The following VPS13A variants were observed in gnomAD, a reference collection of about 807,000 sequenced individuals.
VPS13A encodes the protein vacuolar protein sorting 13 homolog A, also known as intermembrane lipid transfer protein VPS13A.
In VPS13A, 264 loss-of-function variants were observed where a neutral mutation model predicts 390.9. The observed-to-expected ratio is 0.68, with a 90% CI of 0.61 to 0.75. VPS13A has a LOEUF of 0.75. VPS13A is among the 30% of genes least tolerant of loss of function. VPS13A has a pLI of 0.00. For missense variants in VPS13A, 3,409 were observed against 3,733.9 expected, an observed-to-expected ratio of 0.91 and a Z score of 2.27; for synonymous variants, 1,231 against 1,227.1, an observed-to-expected ratio of 1.00 and a Z score of -0.07.
intron 67 of VPS13A, among the ~76,000 whole-genome samples, chr9:77,371,853 C>T (rs1366191963): frequency 7.6e-6 from 1 of 131,536 alleles, no homozygotes. Context: ...TTCCTGTGTC[C>T]ATGTGATCTC....
rs76315371 is a variant in VPS13A, at chr9:77,303,255, T to G, written c.3960+193T>G. The stretch of plus-strand genomic sequence containing the variant: ...TTCTTTTAACAAATATTACTGGAGA[T>G]AAAGTGGCAAGGAAGCAATGACATT... On this transcript the variant is annotated intron_variant, in intron 34 of 71. Transcript: ENST00000360280. Among the ~76,000 whole-genome samples the G allele has an allele frequency of 4.5e-3, 684 of 152,264 alleles. 7 individuals carry two copies. Among genetic ancestry groups the G allele is most frequent in the African/African-American group, 0.016 (649 of 41,538 alleles).
intron 67 of VPS13A, among the ~76,000 whole-genome samples, chr9:77,371,375 C>A (rs1437321383): frequency 6.6e-6 from 1 of 152,074 alleles, no homozygotes; most frequent in African/African-American, 2.4e-5. Flanking sequence ...TGGCTAGGGC[C>A]TTTTTGCGGT....
At chr9:77,322,339 A>G (rs2131452572) in intron 44 of VPS13A, among the ~76,000 whole-genome samples, 1 of 152,028 alleles carries the variant, frequency 6.6e-6, no homozygotes, top group South Asian at 2.1e-4. Flanking sequence ...GAAGTTAAAT[A>G]GTCCCAGAGC....
intron 33 of VPS13A, among the ~76,000 whole-genome samples, chr9:77,301,127 T>C (rs1291888186): frequency 6.6e-6 from 1 of 152,170 alleles, no homozygotes; most frequent in Non-Finnish European, 1.5e-5. Flanking sequence ...TCTTTTGACA[T>C]AACAGTTTTC....
intron 52 of VPS13A, among the ~76,000 whole-genome samples, chr9:77,349,845 T>C (rs1164877863): frequency 6.6e-6 from 1 of 152,144 alleles, no homozygotes; most frequent in Non-Finnish European, 1.5e-5. Context: ...GGTTTCACCA[T>C]GTTGGCCAGG....
Position 77,368,037 on chromosome 9 carries a change from T to C in VPS13A, c.8472-18T>C, listed in dbSNP as rs144309670. 5.4e-4 allele frequency: 863 copies of C among 1,602,738 alleles called. 5 individuals are homozygous for C. In the African/African-American group the frequency reaches 0.01, roughly 19 times the overall value. ...TTCATACACATGTACAGACAATATA[T>C]TTTTACGCTTTTTTCAGGCTTGCAT... On this transcript the variant is annotated intron_variant, in intron 61 of 71. Coordinates refer to ENST00000360280, the MANE Select transcript of VPS13A (RefSeq NM_033305.3).
At chr9:77,251,554 A>G (rs1051330601) in intron 21 of VPS13A, among the ~76,000 whole-genome samples, 2 of 152,104 alleles carry the variant, frequency 1.3e-5, no homozygotes, top group Admixed American at 6.6e-5. Flanking sequence ...TTTGGTGTTT[A>G]TATTGGAGGT....
intron 46 of VPS13A, among the ~76,000 whole-genome samples, chr9:77,336,350 A>G (rs1467209778): frequency 6.6e-6 from 1 of 152,174 alleles, no homozygotes; most frequent in Admixed American, 6.5e-5. Flanking sequence ...CCTAAAGTAT[A>G]ATTAAAACAA....
intron 23 of VPS13A, among the ~76,000 whole-genome samples, chr9:77,269,894 TTGAC>T (rs1373396773): frequency 2.0e-5 from 3 of 152,180 alleles, no homozygotes; most frequent in African/African-American, 7.2e-5. Flanking sequence ...CTAATCCAGT[TTGAC>T]TGGTGTCTTT....
chr9:77,324,214 A>G (rs1164956407), intron 45 of VPS13A, among the ~76,000 whole-genome samples: 1 of 152,116 alleles, frequency 6.6e-6, no homozygotes, highest in Non-Finnish European at 1.5e-5. Context: ...TTAGATAGTT[A>G]TGATAGCTGC....
Position 77,407,607 on chromosome 9 carries a change from G to A in VPS13A, c.9474G>A (p.Arg3158=), listed in dbSNP as rs759448061. 3.7e-6 allele frequency: 6 copies of A among 1,607,056 alleles called. No homozygotes were observed. Among genetic ancestry groups the A allele is most frequent in the Admixed American group, 1.7e-5 (1 of 59,948 alleles). Residue 3158 remains arginine (R), a splice_region_variant and synonymous_variant, in exon 71 of 72, where the codon AGG becomes AGA. Transcript: ENST00000360280. ...ACTTCAAGACCCCAGAGGATGCCAG[G>A]GTAAATATAATAAATCTTTTATTTA... The part of the protein sequence containing the change: ...IINFKTPEDA[R]WILTKLQEAR...
Position 77,212,950 on chromosome 9 carries a change from TG to T in VPS13A, c.556-18del, listed in dbSNP as rs1357647518. On this transcript the variant is annotated intron_variant, in intron 7 of 71. Coordinates refer to ENST00000360280, the MANE Select transcript of VPS13A (RefSeq NM_033305.3). ...AATGGAATGACCTTTTTACTGCCAT[TG>T]TTTTTTTTCCTTTTCAGACAACTGA... 6.2e-6 allele frequency: 10 copies of T among 1,613,580 alleles called. No homozygotes were observed. Among genetic ancestry groups the T allele is most frequent in the Non-Finnish European group, 8.5e-6 (10 of 1,179,644 alleles).
rs186441538 is a variant in VPS13A at position 77,413,438 on chromosome 9, A to G, written c.9475-2518A>G. Among the ~76,000 whole-genome samples the G allele has an allele frequency of 3.5e-3, 540 of 152,300 alleles. 3 individuals are homozygous for G. The highest frequency in any genetic ancestry group is 0.012 in the African/African-American group (515 of 41,562). Reference sequence around the variant, plus strand: ...ACAGAGCCCTCAGAAATAACGCCGCATATCTACGACCATCTGATCTTTGAC... The same window carrying G: ...ACAGAGCCCTCAGAAATAACGCCGCGTATCTACGACCATCTGATCTTTGAC... On this transcript the variant is annotated intron_variant, in intron 71 of 71. Coordinates refer to ENST00000360280, the MANE Select transcript of VPS13A (RefSeq NM_033305.3).
intron 67 of VPS13A, among the ~76,000 whole-genome samples, chr9:77,377,766 G>A (rs541359039): frequency 6.6e-6 from 1 of 152,264 alleles, no homozygotes; most frequent in South Asian, 2.1e-4. Flanking sequence ...TGAAGTAGAA[G>A]TGCTGAGAGA....
chr9:77,377,144 T>C (rs1282186984), intron 67 of VPS13A, among the ~76,000 whole-genome samples: 1 of 151,974 alleles, frequency 6.6e-6, no homozygotes, highest in African/African-American at 2.4e-5. Context: ...TTTTATAGTT[T>C]GTAATGTACG....
rs184043684 is a variant in VPS13A at position 77,186,540 on chromosome 9, C to T, written c.100+8736C>T. 4.6e-5 allele frequency among the ~76,000 whole-genome samples: 7 copies of T among 152,124 alleles called. No homozygotes were observed. In the East Asian group the frequency reaches 9.7e-4, roughly 21 times the overall value. ...GCAACCTCTGCCTCCTGGGTTCAAG[C>T]GATTCTCCTGCCTCAGCCTCCTAAG... On this transcript the variant is annotated intron_variant, in intron 1 of 71. Coordinates refer to ENST00000360280, the MANE Select transcript of VPS13A (RefSeq NM_033305.3).
At chr9:77,242,356 A>G (rs1385173526) in intron 19 of VPS13A, among the ~76,000 whole-genome samples, 2 of 152,160 alleles carry the variant, frequency 1.3e-5, no homozygotes, top group Non-Finnish European at 1.5e-5. Flanking sequence ...AGGCAATATT[A>G]TAATAGGCAT....
At chr9:77,336,963 A>AT (rs2131497415) in intron 46 of VPS13A, among the ~76,000 whole-genome samples, 1 of 151,492 alleles carries the variant, frequency 6.6e-6, no homozygotes, top group South Asian at 2.1e-4. Flanking sequence ...TGCCCGGCTA[A>AT]TTTTTTTGTA....
chr9:77,177,568 C>T lies in VPS13A; in HGVS notation c.-137C>T, dbSNP rs1823706104. ...TCTCGCTGGGCTCGCTAGGGCTGCG[C>T]GTTGGGCCAGCGGGGGCGCCGCAGC... On this transcript the variant is annotated 5_prime_UTR_variant, in exon 1 of 72. Coordinates refer to ENST00000360280, the MANE Select transcript of VPS13A (RefSeq NM_033305.3). 2.6e-6 allele frequency: 2 copies of T among 759,488 alleles called. No individual in the cohort carries two copies. Among genetic ancestry groups the T allele is most frequent in the Non-Finnish European group, 4.5e-6 (2 of 444,718 alleles). The allele number at this position is 759,488 out of a possible 1,614,324, so 47.0% of individuals were successfully genotyped here.
Sources: gnomAD v4.1 joint callset for allele counts (sites outside exome capture counted in the v4.1 genomes callset) on GRCh38, gnomAD v4.1.1 for gene constraint, MANE v1.5 for transcripts, NCBI Gene and HGNC (gene_info 2026-07-23, HGNC 2026-07-21) for gene names.